IPCEF1: variants seen among roughly 807,000 people sequenced by gnomAD.
The protein encoded by IPCEF1 is interactor protein for cytohesin exchange factors 1.
A neutral mutation model predicts 50.9 loss-of-function variants in IPCEF1; 31 were observed. The observed-to-expected ratio is 0.61, with a 90% CI of 0.46 to 0.82. The LOEUF is 0.82. Among genes scored for constraint, IPCEF1 ranks in the 40% least tolerant of loss-of-function variants. IPCEF1 has a pLI of 0.00. For missense variants in IPCEF1, 458 were observed against 514.0 expected (o/e 0.89, Z 1.05); for synonymous variants, 181 against 192.0 (o/e 0.94, Z 0.47).
intron 10 of IPCEF1, among the ~76,000 whole-genome samples, chr6:154,189,786 T>C (rs1801702098): frequency 6.6e-6 from 1 of 152,018 alleles, no homozygotes; most frequent in Admixed American, 6.6e-5. Context: ...CTGACCAATA[T>C]GGTGAAACCC....
At chr6:154,331,030 G>A (rs985621932) in intron 1 of IPCEF1, among the ~76,000 whole-genome samples, 1 of 152,118 alleles carries the variant, frequency 6.6e-6, no homozygotes, top group Non-Finnish European at 1.5e-5. Context: ...AATTCAGGAG[G>A]CCGAGGCGGG....
chr6:154,332,964 A>G (rs1783706948), intron 1 of IPCEF1, among the ~76,000 whole-genome samples: 1 of 152,176 alleles, frequency 6.6e-6, no homozygotes, highest in Non-Finnish European at 1.5e-5. Flanking sequence ...AGAGAATCGA[A>G]AAACAATTGA....
At chr6:154,272,741 GT>G (rs887126148) in intron 2 of IPCEF1, among the ~76,000 whole-genome samples, 15 of 152,150 alleles carry the variant, frequency 9.9e-5, no homozygotes, top group African/African-American at 3.6e-4. Flanking sequence ...TTTAGAAATT[GT>G]TTAGAAAGTT....
At chr6:154,270,602 T>C (rs1781876879) in intron 2 of IPCEF1, among the ~76,000 whole-genome samples, 2 of 152,254 alleles carry the variant, frequency 1.3e-5, no homozygotes, top group Admixed American at 1.3e-4. Context: ...CCAATAATAA[T>C]TGTAATAATA....
rs747420990 is a variant in IPCEF1, at chr6:154,159,810, G to A, written c.*18C>T. On this transcript the variant is annotated 3_prime_UTR_variant, in exon 12 of 12. Coordinates refer to ENST00000367220, the MANE Select transcript of IPCEF1 (RefSeq NM_001130700.2). Reference sequence around the variant, plus strand: ...TTGCTTGTGATAAAATATAAGAGGAGAAAACCCTGACTTTGTCTCAAATGG... The same window carrying A: ...TTGCTTGTGATAAAATATAAGAGGAAAAAACCCTGACTTTGTCTCAAATGG... The A allele has an allele frequency of 3.1e-6, 5 of 1,587,826 alleles. No homozygotes were observed. In the East Asian group the frequency reaches 1.1e-4, roughly 36 times the overall value.
Position 154,283,068 on chromosome 6 carries a change from C to T in IPCEF1, c.-18+6645G>A, listed in dbSNP as rs140003626. Among the ~76,000 whole-genome samples, 767 of 150,356 alleles carry T rather than the reference C, an allele frequency of 5.1e-3. 3 individuals carry two copies. The highest frequency in any genetic ancestry group is 0.018 in the African/African-American group (722 of 40,930). On this transcript the variant is annotated intron_variant, in intron 2 of 11. Transcript: ENST00000367220. The stretch of plus-strand genomic sequence containing the variant: ...CAGCACTTTGGGAGGCCGAGGTGGG[C>T]GGATCACCTGAGGTCAGGAGTTCAA...
chr6:154,331,405 A>AAGAAAGAAAGAAAGAAAGAAAGAAAGAG (rs60403800), intron 1 of IPCEF1, among the ~76,000 whole-genome samples: 2,032 of 92,702 alleles, frequency 0.022, 52 homozygotes, highest in East Asian at 0.057. Context: ...GAAAGAAAGA[A>AAGAAAGAAAGAAAGAAAGAAAGAAAGAG]AGAGAGAGAA....
intron 10 of IPCEF1, among the ~76,000 whole-genome samples, chr6:154,188,551 T>C (rs1261242461): frequency 1.3e-5 from 2 of 152,208 alleles, no homozygotes; most frequent in Admixed American, 1.3e-4. Context: ...AAAAGGTATA[T>C]GGAGGTTAAA....
chr6:154,160,752 A>G (rs1191918049), intron 11 of IPCEF1, among the ~76,000 whole-genome samples: 1 of 152,218 alleles, frequency 6.6e-6, no homozygotes, highest in African/African-American at 2.4e-5. Flanking sequence ...TATTAAAAAC[A>G]AATATTCAGC....
At chr6:154,318,605 A>C (rs1345014275) in intron 1 of IPCEF1, among the ~76,000 whole-genome samples, 1 of 151,234 alleles carries the variant, frequency 6.6e-6, no homozygotes, top group Non-Finnish European at 1.5e-5. Context: ...TAGTCTCAGC[A>C]CTTTGGGAGG....
At chr6:154,228,455 T>A (rs1207088450) in intron 5 of IPCEF1, among the ~76,000 whole-genome samples, 1 of 152,236 alleles carries the variant, frequency 6.6e-6, no homozygotes, top group Non-Finnish European at 1.5e-5. Flanking sequence ...AATCTAGTCT[T>A]AAATTCAGAA....
At chr6:154,240,803 A>C (rs1780517870) in intron 5 of IPCEF1, among the ~76,000 whole-genome samples, 1 of 152,258 alleles carries the variant, frequency 6.6e-6, no homozygotes, top group African/African-American at 2.4e-5. Context: ...CAAAACTTTC[A>C]CAATTCAGAA....
At position 154,168,002 on chromosome 6, in the gene IPCEF1, C is replaced by T; in HGVS notation, c.1022G>A (p.Arg341Lys). ...TTTACACCGCTTAACAAAGGATTTTCTCAACTCCTTTTTAGTCGAAGGTCG... is the reference window on the plus strand; with the variant it reads ...TTTACACCGCTTAACAAAGGATTTTTTCAACTCCTTTTTAGTCGAAGGTCG... Reference protein sequence around the residue: ...DRRPSTKKELRKSFVKRCKNP... With the variant: ...DRRPSTKKELKKSFVKRCKNP... The change falls in exon 11 of 12, where the codon AGA becomes AAA. Residue 341 changes from arginine to lysine, a missense_variant. Coordinates refer to ENST00000367220, the MANE Select transcript of IPCEF1 (RefSeq NM_001130700.2). The surrounding 1 kb of genome is among the most constrained non-coding windows in gnomAD (Gnocchi z 4.1). 6.2e-7 allele frequency: 1 copy of T among 1,612,064 alleles called. No homozygotes were observed. The highest frequency in any genetic ancestry group is 8.5e-7 in the Non-Finnish European group (1 of 1,178,438).
At chr6:154,251,763 A>G (rs1781342549) in intron 3 of IPCEF1, among the ~76,000 whole-genome samples, 1 of 152,082 alleles carries the variant, frequency 6.6e-6, no homozygotes, top group Non-Finnish European at 1.5e-5. Context: ...TCCACCTAGA[A>G]GAGGAAAAGA....
intron 1 of IPCEF1, among the ~76,000 whole-genome samples, chr6:154,342,041 T>G (rs546212634): frequency 7.7e-4 from 118 of 152,320 alleles, no homozygotes; most frequent in African/African-American, 2.8e-3. Flanking sequence ...TAGCCGTTAC[T>G]GGCATGCATT....
intron 1 of IPCEF1, among the ~76,000 whole-genome samples, chr6:154,344,490 G>A (rs1783985354): frequency 6.6e-6 from 1 of 152,102 alleles, no homozygotes; most frequent in Non-Finnish European, 1.5e-5. Flanking sequence ...AAAGATATGA[G>A]GCTCCCCGTT....
intron 1 of IPCEF1, among the ~76,000 whole-genome samples, chr6:154,324,677 A>T (rs1423439414): frequency 6.6e-6 from 1 of 152,058 alleles, no homozygotes; most frequent in African/African-American, 2.4e-5. Flanking sequence ...TCATGGTGGC[A>T]GGTGCCTGTA....
At chr6:154,299,699 C>T (rs1311006027) in intron 1 of IPCEF1, among the ~76,000 whole-genome samples, 1 of 140,458 alleles carries the variant, frequency 7.1e-6, no homozygotes, top group Admixed American at 7.4e-5. Flanking sequence ...CACCGTGGCA[C>T]ACATTTACCT....
At chr6:154,317,225 C>T (rs769159344) in intron 1 of IPCEF1, among the ~76,000 whole-genome samples, 23 of 151,828 alleles carry the variant, frequency 1.5e-4, no homozygotes, top group Non-Finnish European at 3.4e-4. Flanking sequence ...TCCTCCAACT[C>T]GATAATAAAA....
Sources: gnomAD v4.1 joint callset for allele counts (sites outside exome capture counted in the v4.1 genomes callset) on GRCh38, gnomAD v4.1.1 for gene constraint, Gnocchi (gnomAD v3.1) non-coding constraint, MANE v1.5 for transcripts, NCBI Gene and HGNC (gene_info 2026-07-23, HGNC 2026-07-21) for gene names.